The following SLA2 variants were observed in gnomAD, a reference collection of about 807,000 sequenced individuals.
SLA2 encodes the protein Src like adaptor 2, also known as src-like-adapter 2.
A neutral mutation model predicts 27.3 loss-of-function variants in SLA2; 22 were observed. That is an observed-to-expected ratio of 0.81 (90% CI 0.58 to 1.15). The LOEUF is 1.15. Ranked by LOEUF, SLA2 falls within the 50% of genes most tolerant of loss-of-function variation. The pLI is 0.00. For missense variants in SLA2, 304 were observed against 322.2 expected, an observed-to-expected ratio of 0.94 and a Z score of 0.43; for synonymous variants, 131 against 137.8, an observed-to-expected ratio of 0.95 and a Z score of 0.34.
At chr20:36,643,092 G>T (rs535254346) in intron 1 of SLA2, among the ~76,000 whole-genome samples, 4 of 152,322 alleles carry the variant, frequency 2.6e-5, no homozygotes, top group African/African-American at 9.6e-5. Context: ...TGAGGACAAA[G>T]ACTTCTTTTG....
intron 1 of SLA2, among the ~76,000 whole-genome samples, chr20:36,643,202 C>T (rs565096336): frequency 2.0e-5 from 3 of 152,314 alleles, no homozygotes; most frequent in East Asian, 1.9e-4. Flanking sequence ...GGTGTCTTAT[C>T]GTTAGAATAG....
Position 36,614,339 on chromosome 20 carries a change from GCA to G in SLA2, c.629_630del (p.Val210AlafsTer18). On this transcript the variant is annotated frameshift_variant, in exon 7 of 8. Transcript: ENST00000262866. LOFTEE classifies it high-confidence loss of function. ...TCTTTCCAGTTGAGTGGTGTCCTCT[GCA>G]CAGTCACAGGTAGGGGTATATCCTT... Reference protein sequence around the residue: ...PGKDIPLPVTVQRTPLNWKEL... With the variant: ...PGKDIPLPVTXQRTPLNWKEL... 2 of 1,614,158 alleles carry G rather than the reference GCA, an allele frequency of 1.2e-6. No individual in the cohort carries two copies. Among genetic ancestry groups the G allele is most frequent in the Admixed American group, 1.7e-5 (1 of 60,030 alleles).
chr20:36,620,939 G>C, intron 5 of SLA2: 2 of 322,200 alleles, frequency 6.2e-6, no homozygotes, highest in South Asian at 6.2e-5. Flanking sequence ...GAGGTAGCCT[G>C]CTGGATGGTA....
At chr20:36,628,309 CTTATACAAAATCTGAAACAAAAGTT>C (rs1193869337) in intron 5 of SLA2, among the ~76,000 whole-genome samples, 1 of 152,150 alleles carries the variant, frequency 6.6e-6, no homozygotes, top group Non-Finnish European at 1.5e-5. Context: ...CAGGACACAC[CTTATACAAAATCTGAAACAAAAGTT>C]TTATGACGCA....
chr20:36,615,150 T>C, intron 6 of SLA2, 75 bp downstream of exon 6: 15 of 1,602,440 alleles, frequency 9.4e-6, no homozygotes, highest in Non-Finnish European at 1.3e-5. Context: ...GTAGGTAAAA[T>C]ATCCAAGGGC....
At chr20:36,638,322 T>A (rs2039473475) in intron 2 of SLA2, among the ~76,000 whole-genome samples, 1 of 147,210 alleles carries the variant, frequency 6.8e-6, no homozygotes. Context: ...TTATTGTTTT[T>A]GTTTTGTTTT....
At chr20:36,632,103 C>T (rs555244054) in intron 5 of SLA2, among the ~76,000 whole-genome samples, 6 of 152,324 alleles carry the variant, frequency 3.9e-5, no homozygotes, top group Admixed American at 6.5e-5. Flanking sequence ...CCAAAACACA[C>T]GCCCAGCACT....
chr20:36,622,047 C>T (rs376565705), intron 5 of SLA2, among the ~76,000 whole-genome samples: 19 of 151,804 alleles, frequency 1.3e-4, no homozygotes, highest in South Asian at 6.2e-4. Context: ...TGGCTGGGTG[C>T]GGTGGCTCAC....
intron 5 of SLA2, among the ~76,000 whole-genome samples, chr20:36,619,537 T>C (rs1209297311): frequency 6.6e-6 from 1 of 150,784 alleles, no homozygotes; most frequent in East Asian, 2.0e-4. Context: ...AAAAAAAAAT[T>C]GGAGAGACTG....
chr20:36,625,356 G>GC (rs1190764992), intron 5 of SLA2, among the ~76,000 whole-genome samples: 2 of 151,068 alleles, frequency 1.3e-5, no homozygotes, highest in Non-Finnish European at 2.9e-5. Context: ...CTGAATAGCT[G>GC]CCATTATAGG....
Position 36,613,617 on chromosome 20 carries a change from C to G in SLA2, c.*249G>C, listed in dbSNP as rs2039167857. 1 of 407,102 alleles carries G rather than the reference C, an allele frequency of 2.5e-6. No homozygotes were observed. Among genetic ancestry groups the G allele is most frequent in the African/African-American group, 2.1e-5 (1 of 48,440 alleles). The allele number at this position is 407,102 out of a possible 1,614,324, so 25.2% of individuals were successfully genotyped here. ...AGGAGGCTTATTCTCTTTTTGGAAC[C>G]CTGGCCCTGGTCCCACCTTCTCTGC... On this transcript the variant is annotated 3_prime_UTR_variant, in exon 8 of 8. Transcript: ENST00000262866.
chr20:36,641,132 G>A lies in SLA2; in HGVS notation c.91+113C>T, dbSNP rs2039502355. 3 of 836,628 alleles carry A rather than the reference G, an allele frequency of 3.6e-6. No homozygotes were observed. The South Asian group carries it at 4.5e-5, about 12-fold the overall frequency. 51.8% of individuals were successfully genotyped at this position (836,628 alleles called of 1,614,324 possible). A position where few individuals can be genotyped will look rare whatever the true frequency, so the allele number is the denominator to read the frequency against. On this transcript the variant is annotated intron_variant, in intron 2 of 7. Transcript: ENST00000262866. ...GTAGGCAGGGCCTGGTATGCAGCAGGCCCTCAGCGGTGCTTACACTGTGTT... is the reference window on the plus strand; with the variant it reads ...GTAGGCAGGGCCTGGTATGCAGCAGACCCTCAGCGGTGCTTACACTGTGTT...
At chr20:36,623,153 C>G (rs1159874016) in intron 5 of SLA2, among the ~76,000 whole-genome samples, 4 of 151,066 alleles carry the variant, frequency 2.6e-5, no homozygotes, top group African/African-American at 9.7e-5. Context: ...CCTGTAATCT[C>G]AGGTACTCCA....
chr20:36,612,559 C>G lies in SLA2; in HGVS notation c.*1307G>C. The G allele has an allele frequency of 3.0e-6, 1 of 335,268 alleles. No individual in the cohort carries two copies. Among genetic ancestry groups the G allele is most frequent in the South Asian group, 2.8e-5 (1 of 35,922 alleles). 20.8% of individuals were successfully genotyped at this position (335,268 alleles called of 1,614,324 possible). On this transcript the variant is annotated 3_prime_UTR_variant, in exon 8 of 8. Transcript: ENST00000262866. ...ATAAATCAAATCTTTAATTGAGAAC[C>G]TGTTGATGATACCTGATAAAGCCTT...
intron 5 of SLA2, among the ~76,000 whole-genome samples, chr20:36,619,960 G>T (rs565883226): frequency 2.6e-5 from 4 of 151,450 alleles, no homozygotes; most frequent in Non-Finnish European, 5.9e-5. Flanking sequence ...AATTAACCAG[G>T]TGTGGTGGTG....
chr20:36,644,115 G>A (rs1978285828), intron 1 of SLA2, among the ~76,000 whole-genome samples: 1 of 152,156 alleles, frequency 6.6e-6, no homozygotes, highest in Non-Finnish European at 1.5e-5. Flanking sequence ...TGCAGCCTGG[G>A]TACACTGAAA....
At chr20:36,619,317 G>A (rs988077521) in intron 5 of SLA2, among the ~76,000 whole-genome samples, 3 of 150,718 alleles carry the variant, frequency 2.0e-5, no homozygotes, top group Non-Finnish European at 4.4e-5. Flanking sequence ...CCTGAGGTAA[G>A]GAGTTCAAGA....
intron 5 of SLA2, among the ~76,000 whole-genome samples, chr20:36,626,403 C>T (rs75265339): frequency 6.7e-6 from 1 of 149,064 alleles, no homozygotes; most frequent in African/African-American, 2.5e-5. Context: ...AAAAAAAAAA[C>T]ACACACAAAA....
rs6101436 is a variant in SLA2, at chr20:36,613,626, G to A, written c.*240C>T. On this transcript the variant is annotated 3_prime_UTR_variant, in exon 8 of 8. Coordinates refer to ENST00000262866, the MANE Select transcript of SLA2 (RefSeq NM_032214.4). ...ATTCTCTTTTTGGAACCCTGGCCCT[G>A]GTCCCACCTTCTCTGCACTCGCACT... The A allele has an allele frequency of 0.011, 4,654 of 436,066 alleles. 204 individuals carry two copies. Among genetic ancestry groups the A allele is most frequent in the African/African-American group, 0.086 (4,226 of 49,140 alleles). The allele number at this position is 436,066 out of a possible 1,614,324, so 27.0% of individuals were successfully genotyped here. A position where few individuals can be genotyped will look rare whatever the true frequency, so the allele number is the denominator to read the frequency against.
Sources: gnomAD v4.1 joint callset for allele counts (sites outside exome capture counted in the v4.1 genomes callset) on GRCh38, gnomAD v4.1.1 for gene constraint, MANE v1.5 for transcripts, NCBI Gene and HGNC (gene_info 2026-07-23, HGNC 2026-07-21) for gene names.